The following GLT1D1 variants were observed in gnomAD, a reference collection of about 807,000 sequenced individuals.
The protein encoded by GLT1D1 is glycosyltransferase 1 domain containing 1.
Under a neutral mutation model 28.7 loss-of-function variants are expected in GLT1D1, and 21 were observed. The observed-to-expected ratio is 0.73, with a 90% confidence interval of 0.52 to 1.05. GLT1D1 has a LOEUF of 1.05. GLT1D1 is among the 50% of genes least tolerant of loss of function. GLT1D1 has a pLI of 0.00. For synonymous variants in GLT1D1, 147 were observed against 124.8 expected (o/e 1.18, Z -1.19); for missense variants, 343 against 330.6 (o/e 1.04, Z -0.29).
intron 2 of GLT1D1, among the ~76,000 whole-genome samples, chr12:128,876,834 A>T (rs1013390806): frequency 2.0e-5 from 3 of 152,226 alleles, no homozygotes; most frequent in African/African-American, 7.2e-5. Context: ...GAACTGATTA[A>T]CATCCAACAA....
Position 128,853,649 on chromosome 12 carries a change from G to C in GLT1D1, c.68G>C (p.Arg23Pro). Residue 23 changes from arginine to proline, a missense_variant and splice_region_variant, in exon 1 of 8, where the codon CGG (arginine) becomes CCG (proline). Arg to Pro is a moderately radical substitution (Grantham distance 103). Coordinates refer to ENST00000281703, the MANE Select transcript of GLT1D1 (RefSeq NM_144669.3). Reference sequence around the variant, plus strand: ...AACGCGGTCACGGCCCAGCGCGTTCGGTAGGTGCAGGGCGCCGGGGCCTAC... The same window carrying C: ...AACGCGGTCACGGCCCAGCGCGTTCCGTAGGTGCAGGGCGCCGGGGCCTAC... 4.3e-6 allele frequency: 5 copies of C among 1,157,340 alleles called. No homozygotes were observed. The highest frequency in any genetic ancestry group is 1.6e-5 in the African/African-American group (1 of 60,850). 71.7% of individuals were successfully genotyped at this position (1,157,340 alleles called of 1,614,324 possible).
intron 1 of GLT1D1, among the ~76,000 whole-genome samples, chr12:128,866,067 CTTT>C (rs1208489895): frequency 3.0e-5 from 4 of 133,482 alleles, no homozygotes; most frequent in African/African-American, 5.5e-5. Flanking sequence ...GTGATTGTAC[CTTT>C]TTTTTTTTTT....
At chr12:128,921,532 G>A (rs537346884) in intron 4 of GLT1D1, among the ~76,000 whole-genome samples, 10 of 151,402 alleles carry the variant, frequency 6.6e-5, no homozygotes, top group South Asian at 2.1e-4. Flanking sequence ...TATATATCTC[G>A]TGTGACTGAG....
In GLT1D1 at chr12:128,920,485, C is replaced by T. The variant is rs371704927; in HGVS notation, c.375+21198C>T. Among the ~76,000 whole-genome samples the T allele has an allele frequency of 7.2e-5, 11 of 151,928 alleles. No individual in the cohort carries two copies. In the South Asian group the frequency reaches 2.1e-3, roughly 29 times the overall value. ...AGGAGAATTGCTTGGACCTGGGAGG[C>T]GGAGGTTGCAGTGAGGTGAGATTGC... On this transcript the variant is annotated intron_variant, in intron 4 of 7. Coordinates refer to ENST00000281703, the MANE Select transcript of GLT1D1 (RefSeq NM_144669.3).
intron 2 of GLT1D1, among the ~76,000 whole-genome samples, chr12:128,879,426 C>CTTTCTTTT (rs1555262457): frequency 9.9e-6 from 1 of 100,670 alleles, no homozygotes. Flanking sequence ...TTCTTTCTTT[C>CTTTCTTTT]TTTCTTTCTT....
At chr12:128,877,560 A>C (rs1239933715) in intron 2 of GLT1D1, among the ~76,000 whole-genome samples, 1 of 152,152 alleles carries the variant, frequency 6.6e-6, no homozygotes, top group Non-Finnish European at 1.5e-5. Context: ...CAGGTAATAC[A>C]TGAAAAATTG....
At chr12:128,923,624 C>T (rs897950617) in intron 4 of GLT1D1, among the ~76,000 whole-genome samples, 4 of 151,900 alleles carry the variant, frequency 2.6e-5, no homozygotes, top group South Asian at 2.1e-4. Flanking sequence ...CGGGTTTAAG[C>T]GATTATCCTG....
intron 4 of GLT1D1, among the ~76,000 whole-genome samples, chr12:128,904,126 A>G (rs1870590755): frequency 6.6e-6 from 1 of 151,666 alleles, no homozygotes; most frequent in Non-Finnish European, 1.5e-5. Flanking sequence ...TTGTTCCTCA[A>G]TTCTTATTTA....
At chr12:128,950,204 G>A (rs1876552647) in intron 6 of GLT1D1, among the ~76,000 whole-genome samples, 1 of 152,146 alleles carries the variant, frequency 6.6e-6, no homozygotes, top group South Asian at 2.1e-4. Flanking sequence ...GCAGGGAGGT[G>A]GGGTGCCGGT....
intron 4 of GLT1D1, chr12:128,906,849 TG>T (rs1870929879): frequency 2.9e-6 from 2 of 699,698 alleles, no homozygotes; most frequent in South Asian, 3.0e-5. Context: ...AAACCTAAAG[TG>T]TAATTTTACT....
chr12:128,974,761 A>G lies in GLT1D1; in HGVS notation c.640-8168A>G, dbSNP rs572337335. 1.3e-4 allele frequency among the ~76,000 whole-genome samples: 20 copies of G among 152,354 alleles called. No individual in the cohort carries two copies. In the South Asian group the frequency reaches 4.1e-3, roughly 32 times the overall value. On this transcript the variant is annotated intron_variant, in intron 7 of 7. Coordinates refer to ENST00000281703, the MANE Select transcript of GLT1D1 (RefSeq NM_144669.3). ...TGTAATAGAAGGCTATAGCAGCTGA[A>G]TTACTAAAATCCCCCAGGTCCTGAA...
chr12:128,872,118 A>AT (rs1334383440), intron 1 of GLT1D1, among the ~76,000 whole-genome samples: 5 of 151,732 alleles, frequency 3.3e-5, no homozygotes, highest in Admixed American at 6.6e-5. Flanking sequence ...TGCCCAGCTA[A>AT]TTTTTTTGTA....
intron 4 of GLT1D1, among the ~76,000 whole-genome samples, chr12:128,900,794 C>T (rs1170531906): frequency 6.6e-6 from 1 of 152,122 alleles, no homozygotes; most frequent in African/African-American, 2.4e-5. Context: ...TGCCACCACA[C>T]CCGGCTAATT....
At chr12:128,978,743 CAG>C (rs1464926133) in intron 7 of GLT1D1, among the ~76,000 whole-genome samples, 1 of 152,156 alleles carries the variant, frequency 6.6e-6, no homozygotes, top group Admixed American at 6.5e-5. Context: ...ACTCCGTAGA[CAG>C]AGCACCGTGA....
At chr12:128,874,115 TC>T (rs1566091265) in intron 1 of GLT1D1, among the ~76,000 whole-genome samples, 218 of 69,368 alleles carry the variant, frequency 3.1e-3, no homozygotes, top group East Asian at 0.011. Flanking sequence ...TCTCTCTCTC[TC>T]TCTCTCTCTC....
chr12:128,929,461 A>G (rs986721913), intron 4 of GLT1D1, among the ~76,000 whole-genome samples: 1 of 152,182 alleles, frequency 6.6e-6, no homozygotes, highest in Non-Finnish European at 1.5e-5. Context: ...CGGTCCCTAA[A>G]GCAGCAGTGT....
intron 5 of GLT1D1, among the ~76,000 whole-genome samples, chr12:128,946,130 A>C (rs1420913205): frequency 3.9e-5 from 6 of 152,214 alleles, no homozygotes; most frequent in Non-Finnish European, 5.9e-5. Context: ...TGTGTGCAAA[A>C]GTATCACCTG....
chr12:128,925,351 T>G (rs774090844), intron 4 of GLT1D1, among the ~76,000 whole-genome samples: 2 of 152,178 alleles, frequency 1.3e-5, no homozygotes, highest in African/African-American at 4.8e-5. Context: ...ACCCCAACCC[T>G]CCGACAGGCC....
chr12:128,917,827 T>G (rs1433236036), intron 4 of GLT1D1, among the ~76,000 whole-genome samples: 3 of 152,190 alleles, frequency 2.0e-5, no homozygotes, highest in Admixed American at 6.5e-5. Context: ...AAACAACAGA[T>G]GCTGGCGAGC....
Sources: allele counts gnomAD v4.1 joint callset (sites outside exome capture counted in the v4.1 genomes callset), GRCh38; gene constraint gnomAD v4.1.1; transcripts MANE v1.5; gene names NCBI Gene and HGNC (gene_info 2026-07-23, HGNC 2026-07-21).